The following NOTCH2NLB variants were observed in gnomAD, a reference collection of about 807,000 sequenced individuals.
NOTCH2NLB encodes notch homolog 2 N-terminal-like protein B.
NOTCH2NLB carries 1 observed loss-of-function variant against 14.8 expected under a neutral mutation model. The ratio of observed to expected loss-of-function variants is 0.07; its 90% CI spans 0.02 to 0.32. The LOEUF is 0.32. Among genes scored for constraint, NOTCH2NLB ranks in the 10% least tolerant of loss-of-function variants. The pLI, the probability that NOTCH2NLB is intolerant of heterozygous loss-of-function variation, is 1.00. For missense variants in NOTCH2NLB, 11 were observed against 155.0 expected, an observed-to-expected ratio of 0.07 and a Z score of 4.93; for synonymous variants, 6 against 57.5, an observed-to-expected ratio of 0.10 and a Z score of 4.05.
At chr1:148,693,088 G>GCC in the NOTCH2NLB span, among the ~76,000 whole-genome samples, 237 of 63,900 alleles carry the variant, frequency 3.7e-3, 2 homozygotes, top group South Asian at 4.5e-3. Flanking sequence ...GAAGAGAGCC[G>GCC]CCCCCCCCCC....
chr1:148,693,075 G>A, the NOTCH2NLB span, among the ~76,000 whole-genome samples: 1 of 123,824 alleles, frequency 8.1e-6, no homozygotes, highest in African/African-American at 3.8e-5. Context: ...CTGCCGCTAG[G>A]AAGAAGAGAG....
chr1:148,638,706 G>A (rs1477132601), intron 2 of NOTCH2NLB, among the ~76,000 whole-genome samples: 2 of 148,968 alleles, frequency 1.3e-5, no homozygotes, highest in African/African-American at 5.0e-5. Context: ...CTTTAGTGAA[G>A]AAAATTATTT....
chr1:148,613,123 A>G (rs1210543841), intron 3 of NOTCH2NLB, among the ~76,000 whole-genome samples: 4 of 148,224 alleles, frequency 2.7e-5, no homozygotes, highest in Non-Finnish European at 6.0e-5. Flanking sequence ...ATCATGTGAC[A>G]TAAGATTTAT....
At chr1:148,702,242 CTCT>C in the NOTCH2NLB span, among the ~76,000 whole-genome samples, 9 of 149,894 alleles carry the variant, frequency 6.0e-5, no homozygotes, top group Non-Finnish European at 1.0e-4. Flanking sequence ...AACTCATAGC[CTCT>C]TCTTCTGGTT....
chr1:148,649,273 A>G (rs1487285349), intron 1 of NOTCH2NLB, among the ~76,000 whole-genome samples: 1 of 17,712 alleles, frequency 5.6e-5, no homozygotes, highest in Non-Finnish European at 1.1e-4. Flanking sequence ...GTGTAATAAA[A>G]CCCAACAGAG....
chr1:148,615,180 G>GCA (rs1663774979), intron 3 of NOTCH2NLB, among the ~76,000 whole-genome samples: 1 of 138,114 alleles, frequency 7.2e-6, no homozygotes, highest in Non-Finnish European at 1.6e-5. Flanking sequence ...TGTCACCCAG[G>GCA]CTAGAGTGCA....
chr1:148,688,109 AAC>A, the NOTCH2NLB span, among the ~76,000 whole-genome samples: 25 of 139,130 alleles, frequency 1.8e-4, 3 homozygotes, highest in Admixed American at 3.0e-4. Context: ...AAAAAAAAAA[AAC>A]GGCAAAGTTA....
intron 1 of NOTCH2NLB, among the ~76,000 whole-genome samples, chr1:148,661,418 TA>T (rs1419193047): frequency 1.3e-5 from 2 of 149,944 alleles, no homozygotes; most frequent in African/African-American, 4.8e-5. Flanking sequence ...TCAAATTTTT[TA>T]ATTTGAAATT....
upstream of NOTCH2NLB, chr1:148,679,781 T>C: frequency 1.8e-6 from 1 of 551,570 alleles, no homozygotes. Context: ...AGCAGCCTCG[T>C]GTGTCCTTCC....
At chr1:148,629,367 TACTC>T (rs1664055446) in intron 2 of NOTCH2NLB, among the ~76,000 whole-genome samples, 1 of 68,776 alleles carries the variant, frequency 1.5e-5, no homozygotes, top group African/African-American at 9.4e-5. Flanking sequence ...ACGCTTATCT[TACTC>T]ACTTCCCATC....
intron 3 of NOTCH2NLB, among the ~76,000 whole-genome samples, chr1:148,615,197 C>T (rs1265139661): frequency 1.5e-5 from 2 of 131,256 alleles, no homozygotes; most frequent in African/African-American, 5.2e-5. Flanking sequence ...TGCAGTGGTG[C>T]GATCATAGCT....
rs1255986042 is a variant in NOTCH2NLB, at chr1:148,654,599, C to T, written c.4-14510G>A. Among the ~76,000 whole-genome samples the T allele has an allele frequency of 3.8e-5, 2 of 52,928 alleles. 1 individual carries two copies. Among genetic ancestry groups the T allele is most frequent in the Non-Finnish European group, 8.1e-5 (2 of 24,690 alleles). The allele number at this position is 52,928 out of a possible 152,430, so 34.7% of individuals were successfully genotyped here. Reference sequence around the variant, plus strand: ...TTTATCACTAAGTTTGGTATACTGTCCCACAAAATGCCACCTTATTCCATG... The same window carrying T: ...TTTATCACTAAGTTTGGTATACTGTTCCACAAAATGCCACCTTATTCCATG... On this transcript the variant is annotated intron_variant, in intron 1 of 4. Coordinates refer to ENST00000593495, the Ensembl canonical transcript of NOTCH2NLB.
chr1:148,632,932 T>C (rs1448982197), intron 2 of NOTCH2NLB, among the ~76,000 whole-genome samples: 3 of 120,330 alleles, frequency 2.5e-5, no homozygotes, highest in Admixed American at 2.3e-4. Flanking sequence ...TACACTGAGC[T>C]TTCATGTTAA....
intron 3 of NOTCH2NLB, among the ~76,000 whole-genome samples, chr1:148,615,407 G>C (rs1663781564): frequency 2.9e-5 from 1 of 34,124 alleles, no homozygotes; most frequent in African/African-American, 6.9e-5. Context: ...GCCTTGGCCT[G>C]CCAAAATGCT....
chr1:148,610,030 G>T (rs1405803331), intron 3 of NOTCH2NLB, among the ~76,000 whole-genome samples: 8 of 143,718 alleles, frequency 5.6e-5, no homozygotes, highest in Middle Eastern at 3.7e-3. Flanking sequence ...GCTGATGCCT[G>T]TAATCCCAGC....
chr1:148,679,314 C>T (rs1664883166), intron 1 of NOTCH2NLB, 148 bp downstream of exon 1: 1 of 411,964 alleles, frequency 2.4e-6, no homozygotes, highest in Non-Finnish European at 3.3e-6. Flanking sequence ...CGGCGATGTC[C>T]AAACTCTCGG....
chr1:148,680,835 G>T (rs1469497417), upstream of NOTCH2NLB, among the ~76,000 whole-genome samples: 1 of 150,628 alleles, frequency 6.6e-6, no homozygotes, highest in Non-Finnish European at 1.5e-5. Flanking sequence ...TCCAGGGCAG[G>T]AGAGTAGGGG....
intron 1 of NOTCH2NLB, among the ~76,000 whole-genome samples, chr1:148,674,882 C>T (rs1284442223): frequency 3.5e-5 from 5 of 144,468 alleles, no homozygotes; most frequent in African/African-American, 1.2e-4. Context: ...AGCAAATATA[C>T]TTTACTAAAT....
At chr1:148,705,939 GTTCT>G in the NOTCH2NLB span, among the ~76,000 whole-genome samples, 1 of 3,322 alleles carries the variant, frequency 3.0e-4, no homozygotes, top group South Asian at 0.026. Context: ...ACAACAGAAA[GTTCT>G]TTTTTTTTTT....
Sources: allele counts gnomAD v4.1 joint callset (sites outside exome capture counted in the v4.1 genomes callset), GRCh38; gene constraint gnomAD v4.1.1; transcripts MANE v1.5; gene names NCBI Gene and HGNC (gene_info 2026-07-23, HGNC 2026-07-21).